GABRR1: variants seen among roughly 807,000 people sequenced by gnomAD.
The protein encoded by GABRR1 is gamma-aminobutyric acid receptor subunit rho-1.
Under a neutral mutation model 55.5 loss-of-function variants are expected in GABRR1, and 59 were observed. The ratio of observed to expected loss-of-function variants is 1.06; its 90% CI spans 0.86 to 1.32. The LOEUF is 1.32. Ranked by LOEUF, GABRR1 falls within the 40% of genes most tolerant of loss-of-function variation. GABRR1 has a pLI of 0.00. For synonymous variants in GABRR1, 213 were observed against 226.0 expected (o/e 0.94, Z 0.51); for missense variants, 602 against 619.1 (o/e 0.97, Z 0.29).
intron 1 of GABRR1, among the ~76,000 whole-genome samples, chr6:89,230,956 A>T (rs376932037): frequency 0.067 from 10,203 of 151,328 alleles, 401 homozygotes; most frequent in South Asian, 0.095. Context: ...TGTGGGATAT[A>T]GTCTCGTGGT....
chr6:89,182,176 G>T, intron 7 of GABRR1, 119 bp from the exon 8 acceptor site: 2 of 918,366 alleles, frequency 2.2e-6, no homozygotes, highest in South Asian at 2.1e-5. Context: ...GTCTTTATAA[G>T]GTGAAATTGA....
chr6:89,199,255 C>A, intron 4 of GABRR1, 107 bp downstream of exon 4: 1 of 977,542 alleles, frequency 1.0e-6, no homozygotes, highest in East Asian at 2.6e-5. Context: ...GGATTCCCAC[C>A]GCCCAGGGCA....
intron 5 of GABRR1, among the ~76,000 whole-genome samples, chr6:89,192,568 T>C (rs1311965818): frequency 2.7e-5 from 4 of 149,166 alleles, no homozygotes; most frequent in Admixed American, 1.3e-4. Flanking sequence ...CTTCTTCTTT[T>C]TTTTTTTTTT....
chr6:89,193,327 G>A (rs189970827), intron 5 of GABRR1, among the ~76,000 whole-genome samples: 27 of 152,308 alleles, frequency 1.8e-4, no homozygotes, highest in Non-Finnish European at 2.9e-4. Context: ...GCCAGTGGCT[G>A]ACAGAGTTGA....
At chr6:89,229,967 T>C (rs1336237257) in intron 1 of GABRR1, among the ~76,000 whole-genome samples, 3 of 96,192 alleles carry the variant, frequency 3.1e-5, no homozygotes, top group East Asian at 2.7e-4. Flanking sequence ...CATTTCTTTT[T>C]ATTCTTTTTT....
chr6:89,196,876 A>AAAGAAAGAG (rs1554190903), intron 5 of GABRR1, among the ~76,000 whole-genome samples: 14 of 101,938 alleles, frequency 1.4e-4, no homozygotes, highest in Non-Finnish European at 1.8e-4. Flanking sequence ...AGAAAGAAAG[A>AAAGAAAGAG]AAGAGAAGAG....
chr6:89,181,760 T>A lies in GABRR1; in HGVS notation c.949+145A>T, dbSNP rs147884104. On this transcript the variant is annotated intron_variant, in intron 8 of 9. Transcript: ENST00000454853. ...AGATTCCTAATTACAGGATTTTAAC[T>A]ATAAATAAATAACTCTTGAGTTTTT... 606 of 802,082 alleles carry A rather than the reference T, an allele frequency of 7.6e-4. 4 individuals are homozygous for A. The African/African-American group carries it at 9.6e-3, about 13-fold the overall frequency. 49.7% of individuals were successfully genotyped at this position (802,082 alleles called of 1,614,324 possible). A position where few individuals can be genotyped will look rare whatever the true frequency, so the allele number is the denominator to read the frequency against.
upstream of GABRR1, chr6:89,217,397 T>C (rs1773021704): frequency 6.6e-7 from 1 of 1,521,770 alleles, no homozygotes; most frequent in Non-Finnish European, 8.9e-7. Flanking sequence ...TCTTAAGACA[T>C]TATTGGTCTG....
chr6:89,178,507 G>A lies in GABRR1; in HGVS notation c.*263C>T. 1 of 464,622 alleles carries A rather than the reference G, an allele frequency of 2.2e-6. No individual in the cohort carries two copies. The highest frequency in any genetic ancestry group is 3.5e-5 in the Admixed American group (1 of 28,234). 28.8% of individuals were successfully genotyped at this position (464,622 alleles called of 1,614,324 possible). On this transcript the variant is annotated 3_prime_UTR_variant, in exon 10 of 10. Transcript: ENST00000454853. ...TAGTGTGCTTTTCCAGGGGATCTGG[G>A]TAACAACTAACATCAGTCGCTACAG...
chr6:89,222,557 T>A (rs985564593), intron 1 of GABRR1, among the ~76,000 whole-genome samples: 12 of 152,224 alleles, frequency 7.9e-5, no homozygotes, highest in Admixed American at 2.0e-4. Flanking sequence ...CCGTTCTGCA[T>A]CTGCTCGTTT....
intron 9 of GABRR1, among the ~76,000 whole-genome samples, chr6:89,179,654 G>A (rs1370897345): frequency 6.6e-6 from 1 of 152,208 alleles, no homozygotes; most frequent in Non-Finnish European, 1.5e-5. Flanking sequence ...GCTGTTATGA[G>A]CCCTTGATAA....
chr6:89,193,708 TC>T (rs1235741963), intron 5 of GABRR1, among the ~76,000 whole-genome samples: 2 of 152,034 alleles, frequency 1.3e-5, no homozygotes, highest in African/African-American at 4.8e-5. Flanking sequence ...AATAATAGCT[TC>T]CAGTTCCAAA....
intron 9 of GABRR1, 111 bp downstream of exon 9, chr6:89,180,181 A>G (rs1452182542): frequency 8.6e-7 from 1 of 1,158,420 alleles, no homozygotes; most frequent in African/African-American, 1.6e-5. Flanking sequence ...AAGTAGGCAC[A>G]GGAGAGGGTA....
chr6:89,223,710 CT>C (rs200773450), intron 1 of GABRR1, among the ~76,000 whole-genome samples: 2,537 of 136,062 alleles, frequency 0.019, 37 homozygotes, highest in Middle Eastern at 0.032. Flanking sequence ...ACACCAATAT[CT>C]TTTTTTTTTT....
rs964185122 is a variant in GABRR1 at position 89,188,032 on chromosome 6, T to A, written c.655+2133A>T. On this transcript the variant is annotated intron_variant, in intron 6 of 9. Coordinates refer to ENST00000454853, the MANE Select transcript of GABRR1 (RefSeq NM_002042.5). ...TATGTTCTTAATTTTTTTTTTTTTT[T>A]AGACATGGGGGTCTTGCTTTCTCAC... Among the ~76,000 whole-genome samples the A allele has an allele frequency of 3.3e-5, 5 of 151,990 alleles. No homozygotes were observed. The South Asian group carries it at 6.2e-4, about 19-fold the overall frequency.
At chr6:89,182,873 C>T (rs961989952) in intron 7 of GABRR1, among the ~76,000 whole-genome samples, 1 of 151,822 alleles carries the variant, frequency 6.6e-6, no homozygotes, top group Non-Finnish European at 1.5e-5. Flanking sequence ...GAGACCCTGT[C>T]TCTATTAGGA....
intron 1 of GABRR1, among the ~76,000 whole-genome samples, chr6:89,216,088 C>T (rs760063420): frequency 5.9e-5 from 9 of 152,196 alleles, no homozygotes; most frequent in Non-Finnish European, 1.0e-4. Context: ...AGTGGCCTCC[C>T]TTAGCACCCC....
intron 3 of GABRR1, among the ~76,000 whole-genome samples, chr6:89,200,230 T>C (rs1441559577): frequency 6.8e-6 from 1 of 146,604 alleles, no homozygotes; most frequent in Non-Finnish European, 1.5e-5. Context: ...AAGATAATTA[T>C]TTCTTTTTCC....
At chr6:89,192,656 G>T (rs556221195) in intron 5 of GABRR1, among the ~76,000 whole-genome samples, 4 of 151,152 alleles carry the variant, frequency 2.6e-5, no homozygotes, top group African/African-American at 9.7e-5. Context: ...CACCTCCCTG[G>T]TTCAAACGAT....
Sources: gnomAD v4.1 joint callset for allele counts (sites outside exome capture counted in the v4.1 genomes callset) on GRCh38, gnomAD v4.1.1 for gene constraint, MANE v1.5 for transcripts, NCBI Gene and HGNC (gene_info 2026-07-23, HGNC 2026-07-21) for gene names.